The following MEIKIN variants were observed in gnomAD, a reference collection of about 807,000 sequenced individuals.
MEIKIN encodes the protein meiotic kinetochore factor.
intron 9 of MEIKIN, among the ~76,000 whole-genome samples, chr5:131,875,814 A>C (rs1394331592): frequency 4.6e-5 from 7 of 152,332 alleles, no homozygotes; most frequent in Admixed American, 2.0e-4. Flanking sequence ...CCTATGGAAC[A>C]GAACACAGCA....
chr5:131,831,525 C>T (rs1749714932), intron 11 of MEIKIN, among the ~76,000 whole-genome samples: 1 of 152,298 alleles, frequency 6.6e-6, no homozygotes, highest in South Asian at 2.1e-4. Context: ...CACTGTATTA[C>T]AGCCGGGGTG....
intron 12 of MEIKIN, among the ~76,000 whole-genome samples, chr5:131,816,284 C>T (rs1773097659): frequency 6.6e-6 from 1 of 152,204 alleles, no homozygotes; most frequent in African/African-American, 2.4e-5. Flanking sequence ...ATATATTACA[C>T]AATTATTCAG....
Position 131,807,019 on chromosome 5 carries a change from A to G in MEIKIN, c.*217T>C, listed in dbSNP as rs1241115787. 3 of 356,848 alleles carry G rather than the reference A, an allele frequency of 8.4e-6. No individual in the cohort carries two copies. The highest frequency in any genetic ancestry group is 1.5e-5 in the Non-Finnish European group (3 of 201,088). 22.1% of individuals were successfully genotyped at this position (356,848 alleles called of 1,614,324 possible). On this transcript the variant is annotated 3_prime_UTR_variant, in exon 13 of 13. Transcript: ENST00000442687. Reference sequence around the variant, plus strand: ...GTTCTTTATCTTTTAATATAAATACATATATTTAAGAAGCATATGGAATAA... The same window carrying G: ...GTTCTTTATCTTTTAATATAAATACGTATATTTAAGAAGCATATGGAATAA...
At chr5:131,937,838 T>C (rs544819616) in intron 4 of MEIKIN, among the ~76,000 whole-genome samples, 2 of 152,268 alleles carry the variant, frequency 1.3e-5, no homozygotes, top group East Asian at 3.9e-4. Context: ...TTAAAAATTA[T>C]ATAATGTTGT....
chr5:131,921,021 G>A (rs543699752), intron 6 of MEIKIN, among the ~76,000 whole-genome samples: 10 of 151,930 alleles, frequency 6.6e-5, no homozygotes, highest in Non-Finnish European at 1.2e-4. Context: ...TTCCTATCAC[G>A]AGGAAACATC....
chr5:131,885,009 A>T (rs943326544), intron 8 of MEIKIN, among the ~76,000 whole-genome samples: 4 of 152,198 alleles, frequency 2.6e-5, no homozygotes, highest in African/African-American at 9.7e-5. Flanking sequence ...GCTCAGCCAC[A>T]GTACAACAGA....
intron 8 of MEIKIN, among the ~76,000 whole-genome samples, chr5:131,909,476 T>C (rs1283199137): frequency 1.3e-5 from 2 of 152,122 alleles, no homozygotes; most frequent in Admixed American, 6.6e-5. Context: ...CAAGAAAACA[T>C]TGGGGAAAGT....
chr5:131,940,010 G>T (rs1438927425), intron 4 of MEIKIN, among the ~76,000 whole-genome samples: 1 of 152,188 alleles, frequency 6.6e-6, no homozygotes, highest in African/African-American at 2.4e-5. Context: ...GAGATAGGAA[G>T]ATAAAAGATA....
chr5:131,870,624 T>G (rs1169924101), intron 9 of MEIKIN, among the ~76,000 whole-genome samples: 1 of 152,208 alleles, frequency 6.6e-6, no homozygotes, highest in Non-Finnish European at 1.5e-5. Flanking sequence ...CCTATCACAC[T>G]AAATAGCATC....
At chr5:131,917,933 C>T (rs555239203) in intron 6 of MEIKIN, among the ~76,000 whole-genome samples, 1 of 152,220 alleles carries the variant, frequency 6.6e-6, no homozygotes, top group South Asian at 2.1e-4. Flanking sequence ...TAACAGTCAC[C>T]TCATTTTTTT....
intron 4 of MEIKIN, among the ~76,000 whole-genome samples, chr5:131,941,082 C>G (rs1751861920): frequency 6.8e-6 from 1 of 147,092 alleles, no homozygotes; most frequent in Admixed American, 6.8e-5. Context: ...GAAAAAGGGA[C>G]CAGATATTTC....
rs1173218173 is a variant in MEIKIN at position 131,882,595 on chromosome 5, TA to T, written c.704-3548del. Among the ~76,000 whole-genome samples, 3 of 152,110 alleles carry T rather than the reference TA, an allele frequency of 2.0e-5. 1 individual carries two copies. The highest frequency in any genetic ancestry group is 4.1e-4 in the South Asian group (2 of 4,832). ...ATTTAAAATGAAATAAAATGTAAAA[TA>T]AAAAAATATATATCTGATCATGTCA... On this transcript the variant is annotated intron_variant, in intron 8 of 12. Transcript: ENST00000442687.
rs55746149 is a variant in MEIKIN at position 131,851,053 on chromosome 5, T to C, written c.975+211A>G. ...AAGGAATGAGCAAGAAAAGAAAAAA[T>C]AGACAAACTGTACTTCATAAAAAAT... On this transcript the variant is annotated intron_variant, in intron 11 of 12. Coordinates refer to ENST00000442687, the MANE Select transcript of MEIKIN (RefSeq NM_001303622.2). Among the ~76,000 whole-genome samples the C allele has an allele frequency of 6.4e-3, 975 of 152,218 alleles. 8 individuals are homozygous for C. The highest frequency in any genetic ancestry group is 0.022 in the African/African-American group (913 of 41,548).
In MEIKIN at chr5:131,911,877, A is replaced by G. The variant is rs1042739439; in HGVS notation, c.641T>C (p.Val214Ala). ...EDYQKCHRKT[V>A]MTVADQNVSP... The stretch of plus-strand genomic sequence containing the variant: ...AACATTTTGATCTGCTACTGTCATC[A>G]CTCTATAACAAGAACAAACTGTTTA... The change falls in exon 8 of 13, where the codon GTG becomes GCG. Residue 214 changes from valine to alanine, a missense_variant and splice_region_variant. Val to Ala is a moderately conservative substitution (Grantham distance 64). Transcript: ENST00000442687. 9 of 397,546 alleles carry G rather than the reference A, an allele frequency of 2.3e-5. No homozygotes were observed. Among genetic ancestry groups the G allele is most frequent in the Non-Finnish European group, 4.0e-5 (9 of 225,148 alleles). 24.6% of individuals were successfully genotyped at this position (397,546 alleles called of 1,614,324 possible). A position where few individuals can be genotyped will look rare whatever the true frequency, so the allele number is the denominator to read the frequency against.
chr5:131,880,350 G>A (rs1488663213), intron 8 of MEIKIN, among the ~76,000 whole-genome samples: 4 of 147,960 alleles, frequency 2.7e-5, no homozygotes, highest in East Asian at 2.0e-4. Context: ...TGATCTGCCC[G>A]CCTCGGCCTC....
At chr5:131,903,455 A>C (rs1561750835) in intron 8 of MEIKIN, among the ~76,000 whole-genome samples, 1 of 152,222 alleles carries the variant, frequency 6.6e-6, no homozygotes, top group South Asian at 2.1e-4. Context: ...CAGACCTATC[A>C]GCAGAAACCC....
chr5:131,933,199 AG>A (rs1226087862), intron 5 of MEIKIN, among the ~76,000 whole-genome samples: 5 of 152,366 alleles, frequency 3.3e-5, no homozygotes, highest in African/African-American at 1.2e-4. Flanking sequence ...AGATAAGTAC[AG>A]GAAAAAAAAG....
chr5:131,931,912 T>C (rs909654723), intron 5 of MEIKIN, among the ~76,000 whole-genome samples: 1 of 152,180 alleles, frequency 6.6e-6, no homozygotes, highest in East Asian at 1.9e-4. Context: ...TCTGTTCATA[T>C]TTAGAAGTGG....
intron 7 of MEIKIN, 125 bp from the exon 8 acceptor site, chr5:131,912,004 G>A (rs549302723): frequency 2.6e-6 from 1 of 383,106 alleles, no homozygotes. Context: ...AAAATATACA[G>A]TTGCTTAGAA....
Sources: gnomAD v4.1 joint callset for allele counts (sites outside exome capture counted in the v4.1 genomes callset) on GRCh38, gnomAD v4.1.1 for gene constraint, MANE v1.5 for transcripts, NCBI Gene and HGNC (gene_info 2026-07-23, HGNC 2026-07-21) for gene names.